Variants in OTUD7A observed in about 807,000 individuals in gnomAD.
OTUD7A encodes OTU deubiquitinase 7A.
Under a neutral mutation model 65.7 loss-of-function variants are expected in OTUD7A, and 12 were observed. That is an observed-to-expected ratio of 0.18 (90% CI 0.12 to 0.30). The LOEUF (loss-of-function observed/expected upper bound fraction) is 0.30. Among genes scored for constraint, OTUD7A ranks in the 10% least tolerant of loss-of-function variants. OTUD7A has a pLI of 1.00. For synonymous variants in OTUD7A, 641 were observed against 586.3 expected (o/e 1.09, Z -1.35); for missense variants, 1,148 against 1,304.8 (o/e 0.88, Z 1.85).
chr15:31,737,116 C>T (rs1228349120), intron 1 of OTUD7A, among the ~76,000 whole-genome samples: 3 of 152,144 alleles, frequency 2.0e-5, no homozygotes, highest in Non-Finnish European at 4.4e-5. Flanking sequence ...TGAAGACCTT[C>T]TTAAGCAATG....
At chr15:31,863,281 G>T (rs1897792853) in intron 1 of OTUD7A, among the ~76,000 whole-genome samples, 1 of 152,150 alleles carries the variant, frequency 6.6e-6, no homozygotes, top group African/African-American at 2.4e-5. Flanking sequence ...CTGGAAGATG[G>T]TGGCCCTCTT....
intron 1 of OTUD7A, among the ~76,000 whole-genome samples, chr15:31,736,503 A>G (rs1353369472): frequency 6.6e-6 from 1 of 152,242 alleles, no homozygotes; most frequent in African/African-American, 2.4e-5. Context: ...ATATTAACAT[A>G]CATCCAAACT....
At chr15:31,581,094 G>A (rs1018770380) in intron 3 of OTUD7A, among the ~76,000 whole-genome samples, 1 of 152,278 alleles carries the variant, frequency 6.6e-6, no homozygotes, top group Non-Finnish European at 1.5e-5. Context: ...TTGGCCAAAA[G>A]GAAGGGGCTA....
chr15:31,800,998 A>C (rs1174950137), intron 1 of OTUD7A, among the ~76,000 whole-genome samples: 1 of 151,590 alleles, frequency 6.6e-6, no homozygotes, highest in Non-Finnish European at 1.5e-5. Context: ...AGCAGGAAAC[A>C]ACAACCTACA....
intron 4 of OTUD7A, among the ~76,000 whole-genome samples, chr15:31,567,403 G>A (rs1239778275): frequency 3.9e-5 from 6 of 152,230 alleles, no homozygotes; most frequent in Non-Finnish European, 7.3e-5. Context: ...GCTTCTAACA[G>A]TCTGCATTCA....
chr15:31,686,156 G>A (rs752311804), intron 1 of OTUD7A, among the ~76,000 whole-genome samples: 5 of 152,224 alleles, frequency 3.3e-5, no homozygotes, highest in Non-Finnish European at 7.3e-5. Flanking sequence ...CTATGCAGAA[G>A]GGAACAGGAA....
chr15:31,568,097 C>T (rs892180026), intron 4 of OTUD7A, among the ~76,000 whole-genome samples: 12 of 152,236 alleles, frequency 7.9e-5, no homozygotes, highest in East Asian at 1.9e-4. Flanking sequence ...CTAGTAAAGC[C>T]GTGAGAAGGG....
chr15:31,678,707 A>AT (rs749095636), intron 1 of OTUD7A, among the ~76,000 whole-genome samples: 2 of 152,214 alleles, frequency 1.3e-5, no homozygotes, highest in African/African-American at 2.4e-5. Flanking sequence ...ATCTATGGAA[A>AT]TGCTTGGATG....
At chr15:31,702,701 C>A (rs1038478574) in intron 1 of OTUD7A, among the ~76,000 whole-genome samples, 3 of 151,884 alleles carry the variant, frequency 2.0e-5, no homozygotes, top group African/African-American at 7.3e-5. Context: ...AATTGACAGA[C>A]AATTCCTGTC....
chr15:31,562,668 AC>A (rs1174131562), intron 4 of OTUD7A, among the ~76,000 whole-genome samples: 3 of 152,112 alleles, frequency 2.0e-5, no homozygotes, highest in African/African-American at 7.2e-5. Context: ...CCTGATTAAA[AC>A]CGATCCTGGG....
chr15:31,787,789 A>C lies in OTUD7A; in HGVS notation c.-100+82718T>G, dbSNP rs906465199. On this transcript the variant is annotated intron_variant, in intron 1 of 12. Coordinates refer to ENST00000307050, the MANE Select transcript of OTUD7A (RefSeq NM_001382637.1). ...ATAGCAGTGCAAACTCCTTTCAATGAATAGAACACAGGAAGTTCTTTAGGC... is the reference window on the plus strand; with the variant it reads ...ATAGCAGTGCAAACTCCTTTCAATGCATAGAACACAGGAAGTTCTTTAGGC... The C allele has an allele frequency of 1.6e-4, 24 of 152,354 alleles. No homozygotes were observed. In the Middle Eastern group the frequency reaches 0.01, roughly 65 times the overall value. 9.4% of individuals were successfully genotyped at this position (152,354 alleles called of 1,614,324 possible).
At chr15:31,849,862 C>T (rs1245898655) in intron 1 of OTUD7A, among the ~76,000 whole-genome samples, 1 of 152,218 alleles carries the variant, frequency 6.6e-6, no homozygotes, top group Non-Finnish European at 1.5e-5. Flanking sequence ...TACCATCTCA[C>T]ACCAGTTAGA....
At chr15:31,579,576 A>C (rs1889309089) in intron 3 of OTUD7A, among the ~76,000 whole-genome samples, 1 of 152,236 alleles carries the variant, frequency 6.6e-6, no homozygotes, top group African/African-American at 2.4e-5. Context: ...TGCATGATTT[A>C]AAACTTATGA....
chr15:31,542,865 G>A (rs1158249481), intron 5 of OTUD7A, among the ~76,000 whole-genome samples: 1 of 151,290 alleles, frequency 6.6e-6, no homozygotes, highest in Admixed American at 6.6e-5. Flanking sequence ...GAAAATAACT[G>A]GCAATCTATA....
chr15:31,821,249 C>T (rs1454663154), intron 1 of OTUD7A, among the ~76,000 whole-genome samples: 1 of 147,432 alleles, frequency 6.8e-6, no homozygotes, highest in Non-Finnish European at 1.5e-5. Flanking sequence ...GATTCTCCTG[C>T]TTCAGCCTCC....
chr15:31,742,106 G>A (rs1397882190), intron 1 of OTUD7A, among the ~76,000 whole-genome samples: 2 of 151,966 alleles, frequency 1.3e-5, no homozygotes, highest in Non-Finnish European at 1.5e-5. Context: ...AGGATCTCTA[G>A]GTGCAGATGG....
chr15:31,736,689 C>T (rs1894202037), intron 1 of OTUD7A, among the ~76,000 whole-genome samples: 1 of 151,962 alleles, frequency 6.6e-6, no homozygotes. Context: ...TATCCTCCCA[C>T]CCTCAACACA....
intron 1 of OTUD7A, among the ~76,000 whole-genome samples, chr15:31,792,723 G>A (rs1189531726): frequency 6.6e-6 from 1 of 152,186 alleles, no homozygotes; most frequent in Admixed American, 6.5e-5. Context: ...GTGTATGTGT[G>A]TTCTGCCATC....
At chr15:31,528,220 G>A (rs976163225) in intron 6 of OTUD7A, among the ~76,000 whole-genome samples, 3 of 152,244 alleles carry the variant, frequency 2.0e-5, no homozygotes, top group Non-Finnish European at 4.4e-5. Context: ...CACGAGGAGA[G>A]GTGAGGCAGG....
Sources: gnomAD v4.1 joint callset for allele counts (sites outside exome capture counted in the v4.1 genomes callset) on GRCh38, gnomAD v4.1.1 for gene constraint, MANE v1.5 for transcripts, NCBI Gene and HGNC (gene_info 2026-07-23, HGNC 2026-07-21) for gene names.